The following MED12 variants were observed in gnomAD, a reference collection of about 807,000 sequenced individuals.
MED12 encodes the protein mediator of RNA polymerase II transcription subunit 12.
A neutral mutation model predicts 177.7 loss-of-function variants in MED12; 10 were observed. The ratio of observed to expected loss-of-function variants is 0.06; its 90% CI spans 0.03 to 0.10. The LOEUF is 0.10. MED12 is among the 10% of genes least tolerant of loss of function. The probability of loss-of-function intolerance (pLI) is 1.00; values close to 1 mark genes in which losing one functional copy is unlikely to be tolerated. For synonymous variants in MED12, 641 were observed against 678.4 expected, an observed-to-expected ratio of 0.94 and a Z score of 0.86; for missense variants, 867 against 1,780.8, an observed-to-expected ratio of 0.49 and a Z score of 9.23.
chrX:71,129,567 T>G (rs2092311690), intron 26 of MED12, 113 bp from the exon 27 acceptor site: 2 of 1,026,948 alleles, frequency 1.9e-6, no homozygotes, highest in Non-Finnish European at 1.3e-6. Context: ...GAAGTATATT[T>G]CTGTCCCATA....
chrX:71,127,230 C>T (rs2092305471), intron 20 of MED12, 98 bp downstream of exon 20: 2 of 1,158,881 alleles, frequency 1.7e-6, no homozygotes, highest in South Asian at 1.9e-5. Flanking sequence ...TGGGGAAGCA[C>T]CTGCTGCTCA....
At position 71,126,386 on chromosome X, in the gene MED12, A is replaced by G. The variant is rs1445835823; in HGVS notation, c.2587A>G (p.Met863Val). ...GCAGATCACGAGCTTTGCCCTTGGC[A>G]TGTCATACCACTTGCCTCTGGTGCA... is the stretch of plus-strand genomic sequence containing the variant. ...LEQITSFALG[M>V]SYHLPLVQHV... The change falls in exon 19 of 45, where the codon ATG becomes GTG. Residue 863 changes from methionine to valine, a missense_variant. Met to Val is a conservative substitution (Grantham distance 21, BLOSUM62 1). Around this residue, in one of 14 missense-constraint regions of MED12, gnomAD observed 11 missense variants for 61.2 expected, o/e 0.18. Coordinates refer to ENST00000374080, the MANE Select transcript of MED12 (RefSeq NM_005120.3). 1.7e-6 allele frequency: 2 copies of G among 1,210,322 alleles called. No homozygotes were observed. The highest frequency in any genetic ancestry group is 3.0e-5 in the East Asian group (1 of 33,796).
At chrX:71,135,690 A>G in intron 36 of MED12, among the ~76,000 whole-genome samples, 1 of 111,531 alleles carries the variant, frequency 9.0e-6, no homozygotes, top group East Asian at 2.8e-4. Flanking sequence ...GTATAGTTTA[A>G]AACCCAAAGT....
At chrX:71,130,908 G>A (rs1442686016) in intron 28 of MED12, among the ~76,000 whole-genome samples, 1 of 112,153 alleles carries the variant, frequency 8.9e-6, no homozygotes, top group East Asian at 2.8e-4. Flanking sequence ...GGTCTCTACA[G>A]GACTTTGAGA....
chrX:71,140,794 G>A lies in MED12; in HGVS notation c.6204G>A (p.Gln2068=), dbSNP rs1283568825. 3 of 1,207,678 alleles carry A rather than the reference G, an allele frequency of 2.5e-6. No individual in the cohort carries two copies. The highest frequency in any genetic ancestry group is 2.3e-4 in the Middle Eastern group (1 of 4,330). ...QQQQQQQQQQ[Q]QQQQQQQQYH... is the part of the protein sequence containing the mutation. ...AGCAACAGCAGCAGCAGCAGCAACA[G>A]CAACAGCAGCAGCAGCAGCAGCAGT... The change falls in exon 42 of 45, where the codon CAG becomes CAA. Residue 2068 remains glutamine, a synonymous_variant. Transcript: ENST00000374080.
chrX:71,140,829 G>GGCAGCAGCA lies in MED12; in HGVS notation c.6250_6258dup (p.Gln2084_Gln2086dup). On this transcript the variant is annotated inframe_insertion, in exon 42 of 45. Coordinates refer to ENST00000374080, the MANE Select transcript of MED12 (RefSeq NM_005120.3). The stretch of plus-strand genomic sequence containing the variant: ...CAGCAGCAGCAGCAGTACCACATCC[G>GGCAGCAGCA]GCAGCAGCAGCAGCAGCAGATCCTG... 8.3e-7 allele frequency: 1 copy of GGCAGCAGCA among 1,198,887 alleles called. No homozygotes were observed. Among genetic ancestry groups the GGCAGCAGCA allele is most frequent in the Non-Finnish European group, 1.1e-6 (1 of 890,684 alleles).
rs2092293812 is a variant in MED12, at chrX:71,123,082, C to T, written c.1486-13C>T. On this transcript the variant is annotated splice_polypyrimidine_tract_variant and intron_variant, in intron 10 of 44. Coordinates refer to ENST00000374080, the MANE Select transcript of MED12 (RefSeq NM_005120.3). ...CCCTACCTTACTCCTCCTTCTCTTC[C>T]TTTGTTCTCCAGATCTCCTCAGATG... 8.3e-7 allele frequency: 1 copy of T among 1,209,442 alleles called. No homozygotes were observed.
chrX:71,141,997 A>G, intron 44 of MED12, 33 bp downstream of exon 44: 1 of 1,198,603 alleles, frequency 8.3e-7, no homozygotes, highest in Non-Finnish European at 1.1e-6. Context: ...GGAGAACCCC[A>G]TGGAATAAAT....
Position 71,118,673 on chromosome X carries a change from C to T in MED12, c.-82C>T, listed in dbSNP as rs748336778. 18 of 923,523 alleles carry T rather than the reference C, an allele frequency of 1.9e-5. No individual in the cohort carries two copies. The highest frequency in any genetic ancestry group is 1.3e-4 in the Admixed American group (5 of 38,285). The allele number at this position is 923,523 out of a possible 1,213,427, so 76.1% of individuals were successfully genotyped here. ...CCGCCGTCCTCTCAACCACCGCCCC[C>T]CTTTTCGGCTCCCTCTCCCCCTTCC... On this transcript the variant is annotated 5_prime_UTR_variant, in exon 1 of 45. Coordinates refer to ENST00000374080, the MANE Select transcript of MED12 (RefSeq NM_005120.3).
rs1214894902 is a variant in MED12 at position 71,118,674 on chromosome X, C to G, written c.-81C>G. The G allele has an allele frequency of 2.1e-6, 2 of 961,138 alleles. No homozygotes were observed. Among genetic ancestry groups the G allele is most frequent in the African/African-American group, 3.9e-5 (2 of 51,615 alleles). The allele number at this position is 961,138 out of a possible 1,213,427, so 79.2% of individuals were successfully genotyped here. On this transcript the variant is annotated 5_prime_UTR_variant, in exon 1 of 45. Transcript: ENST00000374080. ...CGCCGTCCTCTCAACCACCGCCCCC[C>G]TTTTCGGCTCCCTCTCCCCCTTCCC...
At chrX:71,128,156 C>G in intron 22 of MED12, 36 bp downstream of exon 22, 1 of 1,191,450 alleles carries the variant, frequency 8.4e-7, no homozygotes, top group Non-Finnish European at 1.1e-6. Flanking sequence ...GGCACCATGC[C>G]CCCATCTGAG....
intron 36 of MED12, among the ~76,000 whole-genome samples, chrX:71,135,819 T>G (rs753077435): frequency 9.0e-6 from 1 of 111,244 alleles, no homozygotes; most frequent in Non-Finnish European, 1.9e-5. Context: ...CTCCACCTTT[T>G]TGTCTCTCTC....
In MED12 at chrX:71,127,349, G is replaced by A. The variant is rs772101551; in HGVS notation, c.2863G>A (p.Val955Met). 2 of 1,211,539 alleles carry A rather than the reference G, an allele frequency of 1.7e-6. No homozygotes were observed. Among genetic ancestry groups the A allele is most frequent in the Non-Finnish European group, 2.2e-6 (2 of 895,346 alleles). The change falls in exon 21 of 45, where the codon GTG (valine) becomes ATG (methionine). Residue 955 changes from valine (V) to methionine (M), a missense_variant. Coordinates refer to ENST00000374080, the MANE Select transcript of MED12 (RefSeq NM_005120.3). ...TTCTTCATGCAGGCTGTGTGGCGTC[G>A]TGAAGCATGGGATGAACCGGTCCGA... ...AQVFEGLCGV[V>M]KHGMNRSDGS...
intron 5 of MED12, 37 bp downstream of exon 5, chrX:71,121,189 G>A (rs760756875): frequency 3.7e-5 from 45 of 1,205,031 alleles, no homozygotes; most frequent in Non-Finnish European, 4.8e-5. Context: ...GCATTGGGTT[G>A]AGCTTGAACT....
chrX:71,124,754 A>G lies in MED12; in HGVS notation c.1975-10A>G, dbSNP rs1344466043. The G allele has an allele frequency of 3.3e-6, 4 of 1,199,309 alleles. No individual in the cohort carries two copies. The highest frequency in any genetic ancestry group is 3.0e-5 in the East Asian group (1 of 33,705). ...GCTAAAGCAACTTCGCTTATGTTCTATGCCCTCAGGATCCAGGGCTCTCAG... is the reference window on the plus strand; with the variant it reads ...GCTAAAGCAACTTCGCTTATGTTCTGTGCCCTCAGGATCCAGGGCTCTCAG... On this transcript the variant is annotated splice_polypyrimidine_tract_variant and intron_variant, in intron 13 of 44. Coordinates refer to ENST00000374080, the MANE Select transcript of MED12 (RefSeq NM_005120.3).
chrX:71,127,246 GA>G, intron 20 of MED12, 89 bp from the exon 21 acceptor site: 2 of 1,168,718 alleles, frequency 1.7e-6, no homozygotes, highest in African/African-American at 3.5e-5. Flanking sequence ...GCTCAGGTGG[GA>G]AAAGAATGGT....
rs1198767236 is a variant in MED12 at position 71,122,303 on chromosome X, C to G, written c.1205C>G (p.Ser402Cys). The G allele has an allele frequency of 6.6e-6, 8 of 1,211,914 alleles. No homozygotes were observed. ...CTTGACCACTTGCCTATTGCCCCGTCCAACCTGCCCATGCCAGAGGGTAAC... is the reference window on the plus strand; with the variant it reads ...CTTGACCACTTGCCTATTGCCCCGTGCAACCTGCCCATGCCAGAGGGTAAC... Reference protein sequence around the residue: ...SPLDHLPIAPSNLPMPEGNSA... With the variant: ...SPLDHLPIAPCNLPMPEGNSA... Residue 402 changes from serine (S) to cysteine (C), a missense_variant, in exon 8 of 45, where the codon TCC becomes TGC. By Grantham distance (112) the Ser-to-Cys change is moderately radical. Coordinates refer to ENST00000374080, the MANE Select transcript of MED12 (RefSeq NM_005120.3).
In MED12 at chrX:71,133,149, G is replaced by A; in HGVS notation, c.4554G>A (p.Gln1518=). ...HQIVNNWRDD[Q]YLDDCKPKQL... Reference sequence around the variant, plus strand: ...TTGTGAATAATTGGCGAGATGACCAGTACTTAGATGATTGCAAACCAAAGC... The same window carrying A: ...TTGTGAATAATTGGCGAGATGACCAATACTTAGATGATTGCAAACCAAAGC... Residue 1518 remains glutamine (Q), a synonymous_variant, in exon 33 of 45, where the codon CAG becomes CAA. Coordinates refer to ENST00000374080, the MANE Select transcript of MED12 (RefSeq NM_005120.3). 8.3e-7 allele frequency: 1 copy of A among 1,204,354 alleles called. No individual in the cohort carries two copies. Among genetic ancestry groups the A allele is most frequent in the Non-Finnish European group, 1.1e-6 (1 of 888,920 alleles).
chrX:71,131,741 G>A, intron 29 of MED12, 120 bp downstream of exon 29: 2 of 710,806 alleles, frequency 2.8e-6, no homozygotes, highest in Non-Finnish European at 4.4e-6. Flanking sequence ...AGAGATAAGA[G>A]GGGATGGGAA....
Sources: allele counts gnomAD v4.1 joint callset (sites outside exome capture counted in the v4.1 genomes callset), GRCh38; gene constraint gnomAD v4.1.1; regional missense constraint gnomAD v4.1.1; transcripts MANE v1.5; gene names NCBI Gene and HGNC (gene_info 2026-07-23, HGNC 2026-07-21).